Variants in BBC3 observed in about 807,000 individuals in gnomAD.
BBC3 encodes the protein bcl-2-binding component 3.
BBC3 carries 5 observed loss-of-function variants against 18.2 expected under a neutral mutation model. That is an observed-to-expected ratio of 0.27 (90% CI 0.14 to 0.58). BBC3 has a LOEUF of 0.58. BBC3 is among the 20% of genes least tolerant of loss of function. BBC3 has a pLI of 0.91. For synonymous variants in BBC3, 119 were observed against 128.0 expected (o/e 0.93, Z 0.47); for missense variants, 224 against 268.9 (o/e 0.83, Z 1.17).
chr19:47,226,585 G>A lies in BBC3; in HGVS notation c.444C>T (p.Leu148=). The change falls in exon 3 of 4, where the codon CTC becomes CTT. Residue 148 remains leucine (L), a synonymous_variant. Coordinates refer to ENST00000439096, the MANE Select transcript of BBC3 (RefSeq NM_014417.5). ...GAQLRRMADD[L]NAQYERRRQE... is the part of the protein sequence containing the mutation. The stretch of plus-strand genomic sequence containing the variant: ...TCACCCGCCGCTCGTACTGTGCGTT[G>A]AGGTCGTCCGCCATCCGCCGCAGCT... The A allele has an allele frequency of 6.3e-7, 1 of 1,581,090 alleles. No individual in the cohort carries two copies.
intron 3 of BBC3, among the ~76,000 whole-genome samples, chr19:47,224,437 A>T (rs527722211): frequency 4.9e-4 from 75 of 152,122 alleles, no homozygotes; most frequent in African/African-American, 1.8e-3. Flanking sequence ...AGCCTGGGTA[A>T]CACAGAAAGA....
At chr19:47,229,531 C>T (rs2058883792) in intron 1 of BBC3, among the ~76,000 whole-genome samples, 1 of 151,782 alleles carries the variant, frequency 6.6e-6, no homozygotes, top group South Asian at 2.1e-4. Context: ...GCAGCACACA[C>T]ACCTAGCGCA....
chr19:47,222,757 G>A (rs915143818), intron 3 of BBC3, among the ~76,000 whole-genome samples: 1 of 147,758 alleles, frequency 6.8e-6, no homozygotes, highest in Non-Finnish European at 1.5e-5. Context: ...CCTGAGGTCG[G>A]GAGTTTGAGA....
Position 47,221,912 on chromosome 19 carries a change from C to CT in BBC3, c.471dup (p.Glu158ArgfsTer71). The CT allele has an allele frequency of 6.2e-7, 1 of 1,603,030 alleles. No individual in the cohort carries two copies. The highest frequency in any genetic ancestry group is 8.5e-7 in the Non-Finnish European group (1 of 1,175,400). On this transcript the variant is annotated frameshift_variant, in exon 4 of 4. Transcript: ENST00000439096. LOFTEE classifies it high-confidence loss of function. ...GAGGGGCGGTGCCGCTGCTGCTCCT[C>CT]TTGTCTCTGGGGAAAAGAGAGAGAA...
In BBC3 at chr19:47,230,617, A is replaced by C; in HGVS notation, c.-16+312T>G. ...CCTCCCGGACTTTGGGGGCTGGGGCACCCCTGGGGTCGACCCTCTTCCCCG... is the reference window on the plus strand; with the variant it reads ...CCTCCCGGACTTTGGGGGCTGGGGCCCCCCTGGGGTCGACCCTCTTCCCCG... On this transcript the variant is annotated intron_variant, in intron 1 of 3. Transcript: ENST00000439096. This position sits in a 1 kb window ranked among gnomAD's most constrained non-coding sequence, Gnocchi z 6.7. The C allele has an allele frequency of 3.4e-6, 2 of 596,976 alleles. No individual in the cohort carries two copies. The highest frequency in any genetic ancestry group is 4.2e-6 in the Non-Finnish European group (2 of 476,358). 37.0% of individuals were successfully genotyped at this position (596,976 alleles called of 1,614,324 possible). A position where few individuals can be genotyped will look rare whatever the true frequency, so the allele number is the denominator to read the frequency against.
In BBC3 at chr19:47,228,036, T is replaced by A; in HGVS notation, c.274+122A>T. ...CACAAAGACCACATTGGCCACACCC[T>A]CCCAGTGGCCCGGCTGGGCCCGCCA... On this transcript the variant is annotated intron_variant, in intron 2 of 3. Transcript: ENST00000439096. This position sits in a 1 kb window ranked among gnomAD's most constrained non-coding sequence, Gnocchi z 5.5. 1.3e-6 allele frequency: 1 copy of A among 779,372 alleles called. No homozygotes were observed. The highest frequency in any genetic ancestry group is 1.7e-6 in the Non-Finnish European group (1 of 584,314). 48.3% of individuals were successfully genotyped at this position (779,372 alleles called of 1,614,324 possible).
chr19:47,224,915 CTT>C (rs539447877), intron 3 of BBC3, among the ~76,000 whole-genome samples: 7 of 131,012 alleles, frequency 5.3e-5, no homozygotes, highest in Non-Finnish European at 8.3e-5. Flanking sequence ...CTTTTTGTTT[CTT>C]TTTTTTTTTT....
At chr19:47,231,450 G>A (rs1905538814), upstream of BBC3, among the ~76,000 whole-genome samples, 1 of 152,136 alleles carries the variant, frequency 6.6e-6, no homozygotes, top group South Asian at 2.1e-4. The surrounding 1 kb of genome is among the most constrained non-coding windows in gnomAD (Gnocchi z 4.0). Context: ...GGCGGGGTGT[G>A]GGGAGATCGC....
intron 2 of BBC3, chr19:47,227,065 T>A: frequency 3.8e-6 from 1 of 260,914 alleles, no homozygotes; most frequent in Non-Finnish European, 7.4e-6. Flanking sequence ...AGGGGCCACA[T>A]TTTGCCTTTT....
intron 3 of BBC3, among the ~76,000 whole-genome samples, chr19:47,226,156 CTG>C (rs1347918606): frequency 6.6e-6 from 1 of 151,698 alleles, no homozygotes; most frequent in Non-Finnish European, 1.5e-5. Flanking sequence ...GCCCGGGAAA[CTG>C]TGTGGCGCTG....
Position 47,231,068 on chromosome 19 carries a change from C to G in BBC3, c.-155G>C, listed in dbSNP as rs2058908285. ...GCTGCTGCCGCTCTAACTGCAGTGGCGGCTGCTGTGGCTGTGGCTGCTGCT... is the reference window on the plus strand; with the variant it reads ...GCTGCTGCCGCTCTAACTGCAGTGGGGGCTGCTGTGGCTGTGGCTGCTGCT... On this transcript the variant is annotated 5_prime_UTR_variant, in exon 1 of 4. Coordinates refer to ENST00000439096, the MANE Select transcript of BBC3 (RefSeq NM_014417.5). The surrounding 1 kb of genome is among the most constrained non-coding windows in gnomAD (Gnocchi z 4.0). The G allele has an allele frequency of 1.0e-6, 1 of 966,360 alleles. No individual in the cohort carries two copies. The highest frequency in any genetic ancestry group is 6.2e-5 in the Admixed American group (1 of 16,222). The allele number at this position is 966,360 out of a possible 1,614,324, so 59.9% of individuals were successfully genotyped here. A position where few individuals can be genotyped will look rare whatever the true frequency, so the allele number is the denominator to read the frequency against.
chr19:47,231,248 C>T, upstream of BBC3: 1 of 963,502 alleles, frequency 1.0e-6, no homozygotes, highest in Non-Finnish European at 1.2e-6. This position sits in a 1 kb window ranked among gnomAD's most constrained non-coding sequence, Gnocchi z 4.0. Flanking sequence ...CCCGCCCCGC[C>T]CCGCCCCGCC....
chr19:47,223,061 G>C (rs575965128), intron 3 of BBC3, among the ~76,000 whole-genome samples: 5 of 150,064 alleles, frequency 3.3e-5, no homozygotes, highest in Non-Finnish European at 7.4e-5. Flanking sequence ...ATGAGGTCAG[G>C]AGATCGAGAT....
Position 47,228,193 on chromosome 19 carries a change from C to A in BBC3, c.239G>T (p.Gly80Val), listed in dbSNP as rs1204858738. 4.9e-6 allele frequency: 6 copies of A among 1,224,366 alleles called. No individual in the cohort carries two copies. In the East Asian group the frequency reaches 1.9e-4, roughly 39 times the overall value. 75.8% of individuals were successfully genotyped at this position (1,224,366 alleles called of 1,614,324 possible). The change falls in exon 2 of 4, where the codon GGT becomes GTT. Residue 80 changes from glycine to valine, a missense_variant. By Grantham distance (109) the Gly-to-Val change is moderately radical (BLOSUM62 -3). Coordinates refer to ENST00000439096, the MANE Select transcript of BBC3 (RefSeq NM_014417.5). This position sits in a 1 kb window ranked among gnomAD's most constrained non-coding sequence, Gnocchi z 5.5. The part of the protein sequence containing the change: ...AALGGSRWPG[G>V]PRSRPRGPRP... ...CGGGCCTCGGGGCCGGCTGCGGGGA[C>A]CCCCAGGCCAGCGGGAACCCCCCAG...
In BBC3 at chr19:47,230,880, C is replaced by A; in HGVS notation, c.-16+49G>T. Reference sequence around the variant, plus strand: ...CTGTCACCTCCTCCAGGGAGTCCACCCGGCCTGGCCGATCGCCGCCGGAGA... The same window carrying A: ...CTGTCACCTCCTCCAGGGAGTCCACACGGCCTGGCCGATCGCCGCCGGAGA... On this transcript the variant is annotated intron_variant, in intron 1 of 3. Transcript: ENST00000439096. This position sits in a 1 kb window ranked among gnomAD's most constrained non-coding sequence, Gnocchi z 6.7. 1 of 981,426 alleles carries A rather than the reference C, an allele frequency of 1.0e-6. No individual in the cohort carries two copies. Among genetic ancestry groups the A allele is most frequent in the Non-Finnish European group, 1.2e-6 (1 of 826,396 alleles). The allele number at this position is 981,426 out of a possible 1,614,324, so 60.8% of individuals were successfully genotyped here. A position where few individuals can be genotyped will look rare whatever the true frequency, so the allele number is the denominator to read the frequency against.
rs759424372 is a variant in BBC3, at chr19:47,221,831, G to C, written c.553C>G (p.His185Asp). 5.6e-6 allele frequency: 9 copies of C among 1,613,596 alleles called. No individual in the cohort carries two copies. Among genetic ancestry groups the C allele is most frequent in the African/African-American group, 1.3e-5 (1 of 74,916 alleles). Residue 185 changes from histidine to aspartate, a missense_variant, in exon 4 of 4, where the codon CAC becomes GAC. Physicochemically the swap from His to Asp is moderately conservative, Grantham distance 81. Transcript: ENST00000439096. ...IMGLLPLPRG[H>D]RAPEMEPN ...TTGGGCTCCATCTCGGGGGCTCTGT[G>C]GCCCCTGGGTAAGGGCAGGAGTCCC... is the stretch of plus-strand genomic sequence containing the variant.
In BBC3 at chr19:47,223,257, C is replaced by T. The variant is rs1166917554; in HGVS notation, c.466-1339G>A. Among the ~76,000 whole-genome samples, 8 of 146,726 alleles carry T rather than the reference C, an allele frequency of 5.5e-5. No individual in the cohort carries two copies. The South Asian group carries it at 1.1e-3, about 20-fold the overall frequency. ...CTGCACTCCAGCCTGGGTGACAGAG[C>T]GAGACTCCATCTCAAAAAAAAAAAA... On this transcript the variant is annotated intron_variant, in intron 3 of 3. Transcript: ENST00000439096.
Position 47,221,373 on chromosome 19 carries a change from G to A in BBC3, c.*429C>T, listed in dbSNP as rs2058747663. Reference sequence around the variant, plus strand: ...GGGCCCCCTCCCAGGAGGAGGGGGGGAAGCACCAGGGGCCTGAGGCCAGGC... The same window carrying A: ...GGGCCCCCTCCCAGGAGGAGGGGGGAAAGCACCAGGGGCCTGAGGCCAGGC... On this transcript the variant is annotated 3_prime_UTR_variant, in exon 4 of 4. Transcript: ENST00000439096. The A allele has an allele frequency of 1.9e-5, 5 of 260,490 alleles. No homozygotes were observed. In the South Asian group the frequency reaches 3.3e-4, roughly 17 times the overall value. The allele number at this position is 260,490 out of a possible 1,614,324, so 16.1% of individuals were successfully genotyped here.
chr19:47,228,031 C>T lies in BBC3; in HGVS notation c.274+127G>A. Reference sequence around the variant, plus strand: ...TGCAACACAAAGACCACATTGGCCACACCCTCCCAGTGGCCCGGCTGGGCC... The same window carrying T: ...TGCAACACAAAGACCACATTGGCCATACCCTCCCAGTGGCCCGGCTGGGCC... On this transcript the variant is annotated intron_variant, in intron 2 of 3. Transcript: ENST00000439096. The surrounding 1 kb of genome is among the most constrained non-coding windows in gnomAD (Gnocchi z 5.5). 2 of 750,562 alleles carry T rather than the reference C, an allele frequency of 2.7e-6. No homozygotes were observed. Among genetic ancestry groups the T allele is most frequent in the Non-Finnish European group, 3.6e-6 (2 of 557,290 alleles). The allele number at this position is 750,562 out of a possible 1,614,324, so 46.5% of individuals were successfully genotyped here. A position where few individuals can be genotyped will look rare whatever the true frequency, so the allele number is the denominator to read the frequency against.
Sources: allele counts gnomAD v4.1 joint callset (sites outside exome capture counted in the v4.1 genomes callset), GRCh38; gene constraint gnomAD v4.1.1; non-coding constraint Gnocchi (gnomAD v3.1); transcripts MANE v1.5; gene names NCBI Gene and HGNC (gene_info 2026-07-23, HGNC 2026-07-21).